Variants in JCAD observed in about 807,000 individuals in gnomAD.
JCAD encodes the protein junctional cadherin 5-associated protein.
In JCAD, 40 loss-of-function variants were observed where a neutral mutation model predicts 98.0. The ratio of observed to expected loss-of-function variants is 0.41; its 90% confidence interval spans 0.32 to 0.53. The LOEUF (loss-of-function observed/expected upper bound fraction) is 0.53, where lower values mean the gene tolerates loss of function less well. Ranked by LOEUF, JCAD falls within the 20% of genes least tolerant of loss-of-function variation. JCAD has a pLI of 0.31. For missense variants in JCAD, 1,705 were observed against 1,738.1 expected, an observed-to-expected ratio of 0.98 and a Z score of 0.34; for synonymous variants, 691 against 682.3, an observed-to-expected ratio of 1.01 and a Z score of -0.20.
intron 2 of JCAD, among the ~76,000 whole-genome samples, chr10:30,068,891 T>A (rs891180739): frequency 6.6e-6 from 1 of 152,254 alleles, no homozygotes; most frequent in African/African-American, 2.4e-5. Flanking sequence ...TTGCCTTTCC[T>A]GTGAAAATCC....
intron 2 of JCAD, among the ~76,000 whole-genome samples, chr10:30,041,474 A>T (rs1433530453): frequency 1.3e-5 from 2 of 152,258 alleles, no homozygotes; most frequent in African/African-American, 4.8e-5. Context: ...GCAGGATATG[A>T]TTTAAGAGAA....
chr10:30,059,928 A>G (rs1367749934), upstream of JCAD, among the ~76,000 whole-genome samples: 4 of 152,158 alleles, frequency 2.6e-5, no homozygotes, highest in African/African-American at 7.2e-5. The surrounding 1 kb of genome is among the most constrained non-coding windows in gnomAD (Gnocchi z 5.0). Context: ...ACTCACAGGA[A>G]ACAGGCGCAC....
intron 1 of JCAD, among the ~76,000 whole-genome samples, chr10:30,058,650 C>A (rs563128367): frequency 2.6e-5 from 4 of 152,164 alleles, no homozygotes; most frequent in African/African-American, 9.7e-5. Flanking sequence ...TCGAGGCAAA[C>A]CCTGGCATTT....
chr10:30,021,847 C>T (rs1836666166), intron 3 of JCAD, among the ~76,000 whole-genome samples: 1 of 152,226 alleles, frequency 6.6e-6, no homozygotes, highest in African/African-American at 2.4e-5. Context: ...GGACAACTCA[C>T]TGAGGACTGC....
At position 30,026,305 on chromosome 10, in the gene JCAD, G is replaced by A; in HGVS notation, c.3843C>T (p.Ser1281=). 1 of 1,613,980 alleles carries A rather than the reference G, an allele frequency of 6.2e-7. No homozygotes were observed. The highest frequency in any genetic ancestry group is 8.5e-7 in the Non-Finnish European group (1 of 1,180,012). Residue 1281 remains serine (S), a synonymous_variant, in exon 3 of 4, where the codon TCC becomes TCT. Coordinates refer to ENST00000375377, the MANE Select transcript of JCAD (RefSeq NM_020848.4). ...MRVLSFRNAD[S]QEDAEELKAT... The stretch of plus-strand genomic sequence containing the variant: ...CCTTCAATTCCTCGGCGTCCTCCTG[G>A]GAGTCGGCATTCCTGAAGCTCAGGA...
At chr10:30,041,079 C>T (rs1837234546) in intron 2 of JCAD, among the ~76,000 whole-genome samples, 1 of 152,168 alleles carries the variant, frequency 6.6e-6, no homozygotes, top group African/African-American at 2.4e-5. Flanking sequence ...CCAGAAGCCT[C>T]ATGTTCAAAG....
intron 1 of JCAD, among the ~76,000 whole-genome samples, chr10:30,105,332 CTCTG>C (rs201047595): frequency 8.8e-4 from 134 of 151,878 alleles, no homozygotes; most frequent in African/African-American, 3.0e-3. Context: ...GCTCCTTTCT[CTCTG>C]TCTGTTTTCT....
intron 1 of JCAD, among the ~76,000 whole-genome samples, chr10:30,092,348 G>A (rs143200693): frequency 0.01 from 1,546 of 151,598 alleles, 22 homozygotes; most frequent in Middle Eastern, 0.054. Flanking sequence ...ATATTCTCAT[G>A]TTGGTGTGTA....
intron 1 of JCAD, among the ~76,000 whole-genome samples, chr10:30,106,401 G>A (rs1838581891): frequency 6.6e-6 from 1 of 152,022 alleles, no homozygotes; most frequent in South Asian, 2.1e-4. Context: ...ACTGCACTGG[G>A]CAACAGAGCA....
At chr10:30,023,744 A>C (rs867316293) in intron 3 of JCAD, among the ~76,000 whole-genome samples, 6 of 152,214 alleles carry the variant, frequency 3.9e-5, no homozygotes, top group South Asian at 2.1e-4. Context: ...TAAAAAAAAA[A>C]CCCAAAAACG....
intron 3 of JCAD, among the ~76,000 whole-genome samples, chr10:30,023,949 A>G (rs1296729647): frequency 6.6e-6 from 1 of 152,170 alleles, no homozygotes; most frequent in East Asian, 1.9e-4. Context: ...GGATTGCTTG[A>G]GGCCAAGAAT....
chr10:30,030,005 G>T, intron 2 of JCAD, 139 bp from the exon 3 acceptor site: 1 of 994,824 alleles, frequency 1.0e-6, no homozygotes, highest in Non-Finnish European at 1.4e-6. Context: ...CAGCTTGAAA[G>T]AAAACATATC....
chr10:30,097,836 G>C (rs971554886), intron 1 of JCAD, among the ~76,000 whole-genome samples: 2 of 152,114 alleles, frequency 1.3e-5, no homozygotes, highest in Non-Finnish European at 2.9e-5. Flanking sequence ...AAATGAAAAA[G>C]TTTGAAAAGG....
At chr10:30,041,721 T>C (rs1312465448) in intron 2 of JCAD, among the ~76,000 whole-genome samples, 5 of 152,230 alleles carry the variant, frequency 3.3e-5, no homozygotes, top group African/African-American at 2.4e-5. Context: ...CCTGGGGCTA[T>C]GCAGAGAAGA....
At chr10:30,048,627 A>G (rs1448522836) in intron 1 of JCAD, among the ~76,000 whole-genome samples, 1 of 151,862 alleles carries the variant, frequency 6.6e-6, no homozygotes, top group Non-Finnish European at 1.5e-5. Flanking sequence ...GTGCAGTGGC[A>G]TGATCTCGAC....
chr10:30,044,894 T>C, intron 2 of JCAD: 1 of 580,442 alleles, frequency 1.7e-6, no homozygotes, highest in Non-Finnish European at 2.2e-6. Context: ...CTTGGGGCAC[T>C]GGCAGGGATG....
chr10:30,084,694 G>A (rs1838138530), intron 1 of JCAD, among the ~76,000 whole-genome samples: 1 of 152,140 alleles, frequency 6.6e-6, no homozygotes, highest in African/African-American at 2.4e-5. Flanking sequence ...CAGCTCTCCT[G>A]GGTCTTAGGA....
chr10:30,049,129 CT>C (rs1336848961), intron 1 of JCAD, among the ~76,000 whole-genome samples: 14 of 152,200 alleles, frequency 9.2e-5, no homozygotes, highest in Non-Finnish European at 1.8e-4. Context: ...TAAGTCTTCC[CT>C]TTGATGATAA....
chr10:30,019,078 G>T (rs1836599582), intron 3 of JCAD, among the ~76,000 whole-genome samples: 1 of 152,026 alleles, frequency 6.6e-6, no homozygotes. Flanking sequence ...TTATATAGCC[G>T]GGCACAGTGG....
Sources: gnomAD v4.1 joint callset for allele counts (sites outside exome capture counted in the v4.1 genomes callset) on GRCh38, gnomAD v4.1.1 for gene constraint, Gnocchi (gnomAD v3.1) non-coding constraint, MANE v1.5 for transcripts, NCBI Gene and HGNC (gene_info 2026-07-23, HGNC 2026-07-21) for gene names.